Variants in AAGAB observed in about 807,000 individuals in gnomAD.
The protein encoded by AAGAB is alpha- and gamma-adaptin-binding protein p34.
A neutral mutation model predicts 44.1 loss-of-function variants in AAGAB; 38 were observed. The ratio of observed to expected loss-of-function variants is 0.86; its 90% confidence interval spans 0.67 to 1.13. The LOEUF (loss-of-function observed/expected upper bound fraction) is 1.13, where lower values mean the gene tolerates loss of function less well. Ranked by LOEUF, AAGAB falls within the 50% of genes most tolerant of loss-of-function variation. The pLI is 0.00. For missense variants in AAGAB, 450 were observed against 373.8 expected, an observed-to-expected ratio of 1.20 and a Z score of -1.68; for synonymous variants, 131 against 131.8, an observed-to-expected ratio of 0.99 and a Z score of 0.04.
intron 7 of AAGAB, among the ~76,000 whole-genome samples, chr15:67,206,728 C>T (rs933444577): frequency 2.6e-5 from 4 of 152,192 alleles, no homozygotes; most frequent in Non-Finnish European, 5.9e-5. Flanking sequence ...AGGTTGGTCC[C>T]TATGCCCTTT....
intron 5 of AAGAB, among the ~76,000 whole-genome samples, chr15:67,212,025 G>A (rs889695290): frequency 3.9e-5 from 6 of 152,028 alleles, no homozygotes; most frequent in Admixed American, 1.3e-4. Flanking sequence ...GACTACAGGC[G>A]CCCGCCACCA....
intron 1 of AAGAB, among the ~76,000 whole-genome samples, chr15:67,248,180 TA>T (rs1277168900): frequency 6.6e-5 from 10 of 152,220 alleles, no homozygotes; most frequent in African/African-American, 2.2e-4. Flanking sequence ...TTAATAAACA[TA>T]AAAATCAATC....
intron 5 of AAGAB, among the ~76,000 whole-genome samples, chr15:67,215,431 G>A (rs975412465): frequency 6.6e-6 from 1 of 151,990 alleles, no homozygotes; most frequent in South Asian, 2.1e-4. Flanking sequence ...CCCCCAACAC[G>A]CCTAACAGAC....
chr15:67,251,759 G>A (rs374611678), intron 1 of AAGAB, among the ~76,000 whole-genome samples: 5 of 152,108 alleles, frequency 3.3e-5, no homozygotes, highest in South Asian at 2.1e-4. Flanking sequence ...TAATATCACC[G>A]AACACTTGAC....
At chr15:67,255,007 C>T (rs1221704987), upstream of AAGAB, 3 of 1,532,248 alleles carry the variant, frequency 2.0e-6, no homozygotes, top group East Asian at 7.0e-5. Flanking sequence ...CGAGCGAGGT[C>T]CCGCGCGCCG....
In AAGAB at chr15:67,241,040, T is replaced by TACACACACACACACACAC. The variant is rs10525823; in HGVS notation, c.74-4238_74-4221dup. ...CAAACACCACAAATATCTGTTCTCC[T>TACACACACACACACACAC]ACACACACACACACACACACACACA... On this transcript the variant is annotated intron_variant, in intron 1 of 9. Transcript: ENST00000261880. 2.1e-3 allele frequency among the ~76,000 whole-genome samples: 302 copies of TACACACACACACACACAC among 147,178 alleles called. 3 individuals are homozygous for TACACACACACACACACAC. Among genetic ancestry groups the TACACACACACACACACAC allele is most frequent in the African/African-American group, 4.2e-3 (165 of 39,688 alleles).
intron 4 of AAGAB, among the ~76,000 whole-genome samples, chr15:67,233,381 A>G (rs1964387103): frequency 6.6e-6 from 1 of 152,168 alleles, no homozygotes; most frequent in African/African-American, 2.4e-5. Flanking sequence ...ATAGTGTACC[A>G]AAAAAGGTGG....
At chr15:67,222,282 A>ACACACACGCACACACACACC (rs796412643) in intron 5 of AAGAB, among the ~76,000 whole-genome samples, 1 of 139,850 alleles carries the variant, frequency 7.2e-6, no homozygotes, top group Non-Finnish European at 1.6e-5. Context: ...ACACACACAC[A>ACACACACGCACACACACACC]CCCTCCACCC....
At chr15:67,231,791 G>C (rs770242900) in intron 5 of AAGAB, 23 bp downstream of exon 5, 3 of 1,566,880 alleles carry the variant, frequency 1.9e-6, no homozygotes, top group Non-Finnish European at 2.6e-6. Context: ...GGAAAAAAAT[G>C]ACTTGAGTCC....
At chr15:67,213,684 T>C (rs1375340858) in intron 5 of AAGAB, among the ~76,000 whole-genome samples, 1 of 152,230 alleles carries the variant, frequency 6.6e-6, no homozygotes, top group Non-Finnish European at 1.5e-5. Context: ...TGTGGTTTTA[T>C]ACAAGCTATG....
upstream of AAGAB, chr15:67,254,860 C>G: frequency 1.9e-6 from 3 of 1,603,894 alleles, no homozygotes; most frequent in African/African-American, 1.3e-5. Flanking sequence ...GCTTGGAAAC[C>G]GCGCCTCCGC....
At chr15:67,227,772 T>C (rs1313501901) in intron 5 of AAGAB, among the ~76,000 whole-genome samples, 1 of 152,188 alleles carries the variant, frequency 6.6e-6, no homozygotes, top group Non-Finnish European at 1.5e-5. Context: ...TAAAATAAGA[T>C]GCAGGGCTCT....
chr15:67,234,611 C>T (rs1964420330), intron 4 of AAGAB, among the ~76,000 whole-genome samples: 3 of 152,050 alleles, frequency 2.0e-5, no homozygotes, highest in Non-Finnish European at 4.4e-5. Context: ...ATCAAAAAAC[C>T]CATTTTAAGA....
At chr15:67,242,450 A>G in intron 1 of AAGAB, among the ~76,000 whole-genome samples, 1 of 123,544 alleles carries the variant, frequency 8.1e-6, no homozygotes, top group African/African-American at 3.3e-5. Flanking sequence ...AAAAAAAAAA[A>G]AAAAAAAAAA....
intron 6 of AAGAB, 67 bp from the exon 7 acceptor site, chr15:67,208,725 G>T: frequency 7.0e-7 from 1 of 1,428,694 alleles, no homozygotes; most frequent in Non-Finnish European, 9.8e-7. Context: ...ATCCAAAAAA[G>T]CTCACACTTT....
intron 5 of AAGAB, among the ~76,000 whole-genome samples, chr15:67,210,431 G>A (rs11858541): frequency 0.45 from 68,280 of 151,254 alleles, 15,856 homozygotes; most frequent in Non-Finnish European, 0.52. Context: ...CAGGAGAATC[G>A]CTTGAACCCA....
intron 1 of AAGAB, among the ~76,000 whole-genome samples, chr15:67,250,623 T>G (rs965865535): frequency 1.3e-5 from 2 of 152,222 alleles, no homozygotes; most frequent in African/African-American, 4.8e-5. Flanking sequence ...GTAAAACTTT[T>G]GTAAAATATA....
chr15:67,209,640 C>G (rs1567015515), intron 5 of AAGAB, 96 bp from the exon 6 acceptor site: 1 of 967,552 alleles, frequency 1.0e-6, no homozygotes, highest in African/African-American at 1.6e-5. Flanking sequence ...TATTTGTTAC[C>G]AAAGTTCTAA....
chr15:67,254,820 G>C, upstream of AAGAB: 3 of 1,495,168 alleles, frequency 2.0e-6, no homozygotes, highest in South Asian at 1.2e-5. Context: ...GTTGCCATGG[G>C]GACGAGCGGC....
Sources: gnomAD v4.1 joint callset for allele counts (sites outside exome capture counted in the v4.1 genomes callset) on GRCh38, gnomAD v4.1.1 for gene constraint, MANE v1.5 for transcripts, NCBI Gene and HGNC (gene_info 2026-07-23, HGNC 2026-07-21) for gene names.